Variants in PMPCB observed in about 807,000 individuals in gnomAD.
PMPCB encodes the protein peptidase, mitochondrial processing subunit beta.
PMPCB carries 46 observed loss-of-function variants against 61.5 expected under a neutral mutation model. That is an observed-to-expected ratio of 0.75 (90% confidence interval 0.59 to 0.96). The LOEUF (loss-of-function observed/expected upper bound fraction) is 0.96. Ranked by LOEUF, PMPCB falls within the 40% of genes least tolerant of loss-of-function variation. PMPCB has a pLI of 0.00. For synonymous variants in PMPCB, 191 were observed against 201.6 expected (o/e 0.95, Z 0.44); for missense variants, 590 against 602.4 (o/e 0.98, Z 0.22).
At chr7:103,310,579 T>G (rs1446336559) in intron 9 of PMPCB, 104 bp downstream of exon 9, 10 of 857,244 alleles carry the variant, frequency 1.2e-5, no homozygotes, top group Non-Finnish European at 1.6e-5. Flanking sequence ...TACCTTTTAA[T>G]TAAGAGACCT....
At chr7:103,321,504 C>T (rs540294776) in intron 12 of PMPCB, among the ~76,000 whole-genome samples, 161 of 151,578 alleles carry the variant, frequency 1.1e-3, no homozygotes, top group Admixed American at 1.6e-3. Context: ...GGTGACAGTG[C>T]GAGACTCCAT....
Position 103,312,660 on chromosome 7 carries a change from GTGTGA to G in PMPCB, c.*391_*395del. ...GACAAGTTCCTAGGAAGGGAGAAAG[GTGTGA>G]TTTAAGAAGTTGCGATTTAAAAACA... On this transcript the variant is annotated 3_prime_UTR_variant, in exon 13 of 13. Transcript: ENST00000249269. 6.2e-7 allele frequency: 1 copy of G among 1,608,668 alleles called. No homozygotes were observed. Among genetic ancestry groups the G allele is most frequent in the Non-Finnish European group, 8.5e-7 (1 of 1,178,682 alleles).
At chr7:103,334,896 C>G in the PMPCB span, among the ~76,000 whole-genome samples, 3 of 152,198 alleles carry the variant, frequency 2.0e-5, no homozygotes, top group African/African-American at 4.8e-5. Flanking sequence ...TGCAATGGTG[C>G]AATCTCGGCT....
intron 12 of PMPCB, among the ~76,000 whole-genome samples, chr7:103,321,569 T>G (rs1288000195): frequency 6.6e-6 from 1 of 150,908 alleles, no homozygotes; most frequent in Non-Finnish European, 1.5e-5. Context: ...ATATTTTGGC[T>G]GGGTGCAGTG....
chr7:103,338,093 T>C, the PMPCB span, among the ~76,000 whole-genome samples: 571 of 152,058 alleles, frequency 3.8e-3, 4 homozygotes, highest in African/African-American at 0.014. Context: ...AAGTAAGATC[T>C]CTGTCTCTAC....
chr7:103,337,949 G>A, the PMPCB span: 17 of 635,914 alleles, frequency 2.7e-5, no homozygotes, highest in Non-Finnish European at 4.4e-5. Flanking sequence ...TATAAACCAG[G>A]GTCTATGGTC....
chr7:103,346,615 C>T, the PMPCB span, among the ~76,000 whole-genome samples: 2 of 152,180 alleles, frequency 1.3e-5, no homozygotes, highest in African/African-American at 2.4e-5. Flanking sequence ...AAAACTGAAA[C>T]TATGCCAGTG....
In PMPCB at chr7:103,313,254, T is replaced by A. The variant is rs1395016380; in HGVS notation, c.*983T>A. ...GAGATGAGAGATACATATAGCCCTC[T>A]GAGTGTTAATAAGAGAAAAAATTTC... is the stretch of plus-strand genomic sequence containing the variant. On this transcript the variant is annotated 3_prime_UTR_variant, in exon 13 of 13. Transcript: ENST00000249269. 7.3e-7 allele frequency: 1 copy of A among 1,363,136 alleles called. No homozygotes were observed. Among genetic ancestry groups the A allele is most frequent in the African/African-American group, 1.5e-5 (1 of 67,378 alleles). The allele number at this position is 1,363,136 out of a possible 1,614,324, so 84.4% of individuals were successfully genotyped here. A position where few individuals can be genotyped will look rare whatever the true frequency, so the allele number is the denominator to read the frequency against.
the PMPCB span, chr7:103,337,599 G>T: frequency 1.5e-6 from 1 of 661,858 alleles, no homozygotes; most frequent in Non-Finnish European, 2.5e-6. Context: ...GTGGTTTTTT[G>T]CTTGTTATGA....
the PMPCB span, chr7:103,341,940 G>C: frequency 6.2e-7 from 1 of 1,603,428 alleles, no homozygotes; most frequent in Non-Finnish European, 8.5e-7. Flanking sequence ...GGTTCAACTT[G>C]ACAGAGTGTA....
At chr7:103,316,797 T>A, downstream of PMPCB, 2 of 1,572,766 alleles carry the variant, frequency 1.3e-6, no homozygotes, top group Non-Finnish European at 1.7e-6. Flanking sequence ...GGCTCCAGTG[T>A]GAGTTGAAGA....
At chr7:103,298,139 T>A (rs1486784653) in intron 1 of PMPCB, among the ~76,000 whole-genome samples, 1 of 152,074 alleles carries the variant, frequency 6.6e-6, no homozygotes, top group African/African-American at 2.4e-5. Context: ...TTTTTTTTTT[T>A]AACCATTTCC....
At chr7:103,320,830 CTTTT>C (rs745754898) in intron 12 of PMPCB, 126 of 113,632 alleles carry the variant, frequency 1.1e-3, no homozygotes, top group Middle Eastern at 2.7e-3. Context: ...CTCAGCATGT[CTTTT>C]TTTTTTTTTT....
At chr7:103,308,766 T>A (rs1379624265) in intron 7 of PMPCB, among the ~76,000 whole-genome samples, 186 bp from the exon 8 acceptor site, 1 of 152,244 alleles carries the variant, frequency 6.6e-6, no homozygotes, top group African/African-American at 2.4e-5. Flanking sequence ...TTTTCCCTAA[T>A]TTAGTCTTAA....
At chr7:103,303,767 G>C in intron 4 of PMPCB, 75 bp from the exon 5 acceptor site, 1 of 1,002,056 alleles carries the variant, frequency 1.0e-6, no homozygotes, top group Non-Finnish European at 1.5e-6. Context: ...CATGATTTCT[G>C]ATTTTGGTTT....
chr7:103,301,728 A>G (rs1000732248), intron 4 of PMPCB, among the ~76,000 whole-genome samples: 1 of 152,214 alleles, frequency 6.6e-6, no homozygotes, highest in African/African-American at 2.4e-5. Context: ...GAAGCCTGGT[A>G]TATGAAGTAA....
intron 1 of PMPCB, 33 bp downstream of exon 1, chr7:103,297,591 A>G (rs1817319898): frequency 5.6e-6 from 9 of 1,611,310 alleles, no homozygotes; most frequent in South Asian, 1.1e-5. Context: ...CCTGTCCTCG[A>G]GATCTCGCCA....
intron 3 of PMPCB, among the ~76,000 whole-genome samples, chr7:103,299,926 G>A (rs1274494855): frequency 6.9e-6 from 1 of 145,424 alleles, no homozygotes; most frequent in Admixed American, 6.9e-5. Context: ...ATATATATAT[G>A]TTTGTTTGTT....
the PMPCB span, among the ~76,000 whole-genome samples, chr7:103,347,039 G>A: frequency 6.6e-6 from 1 of 152,144 alleles, no homozygotes; most frequent in South Asian, 2.1e-4. Flanking sequence ...AGGTGGCATG[G>A]TAATTATTTT....
Sources: allele counts gnomAD v4.1 joint callset (sites outside exome capture counted in the v4.1 genomes callset), GRCh38; gene constraint gnomAD v4.1.1; transcripts MANE v1.5; gene names NCBI Gene and HGNC (gene_info 2026-07-23, HGNC 2026-07-21).